BNC2: variants seen among roughly 807,000 people sequenced by gnomAD.
BNC2 encodes zinc finger protein basonuclin-2.
BNC2 carries 20 observed loss-of-function variants against 76.3 expected under a neutral mutation model. The observed-to-expected ratio is 0.26, with a 90% CI of 0.18 to 0.38. BNC2 has a LOEUF of 0.38. Ranked by LOEUF, BNC2 falls within the 10% of genes least tolerant of loss-of-function variation. BNC2 has a pLI of 1.00. For missense variants in BNC2, 1,382 were observed against 1,399.8 expected, an observed-to-expected ratio of 0.99 and a Z score of 0.20; for synonymous variants, 582 against 514.8, an observed-to-expected ratio of 1.13 and a Z score of -1.77.
intron 3 of BNC2, among the ~76,000 whole-genome samples, chr9:16,599,567 T>C (rs1587219305): frequency 6.6e-6 from 1 of 152,146 alleles, no homozygotes; most frequent in Non-Finnish European, 1.5e-5. Context: ...GTGGATCACC[T>C]GAGGTCAGAA....
intron 3 of BNC2, among the ~76,000 whole-genome samples, chr9:16,616,104 G>A (rs1208933975): frequency 2.6e-5 from 4 of 152,134 alleles, no homozygotes; most frequent in East Asian, 1.9e-4. Flanking sequence ...AAAATGTTCC[G>A]GGCCAGGCAT....
At chr9:16,755,119 T>G (rs901487553) in intron 1 of BNC2, among the ~76,000 whole-genome samples, 6 of 152,150 alleles carry the variant, frequency 3.9e-5, no homozygotes, top group African/African-American at 1.4e-4. Context: ...TACCTGACTC[T>G]GTAAAAAGGT....
rs139985358 is a variant in BNC2, at chr9:16,864,516, C to A, written c.3+6130G>T. On this transcript the variant is annotated intron_variant, in intron 1 of 6. Coordinates refer to ENST00000380672, the MANE Select transcript of BNC2 (RefSeq NM_017637.6). The stretch of plus-strand genomic sequence containing the variant: ...GCCCCGCACAGGCAAATCTTGGCAA[C>A]CCTCAACTCTGTCTATCTCCTTGGC... Among the ~76,000 whole-genome samples the A allele has an allele frequency of 4.3e-3, 653 of 152,242 alleles. 6 individuals carry two copies. The highest frequency in any genetic ancestry group is 0.014 in the African/African-American group (599 of 41,550).
At chr9:16,512,722 A>G (rs1822786463) in intron 5 of BNC2, among the ~76,000 whole-genome samples, 1 of 152,240 alleles carries the variant, frequency 6.6e-6, no homozygotes, top group Non-Finnish European at 1.5e-5. Context: ...TTTTTGATAT[A>G]AAAGTATCAT....
intron 1 of BNC2, among the ~76,000 whole-genome samples, chr9:16,741,745 G>A (rs1012280429): frequency 4.6e-5 from 7 of 152,160 alleles, no homozygotes; most frequent in Admixed American, 4.6e-4. Context: ...ATCACCTGAG[G>A]TCAGGAGTTC....
chr9:16,679,484 AT>A (rs1432096928), intron 3 of BNC2, among the ~76,000 whole-genome samples: 1 of 152,234 alleles, frequency 6.6e-6, no homozygotes, highest in Non-Finnish European at 1.5e-5. Flanking sequence ...ACACATGTGC[AT>A]GGCAAATGGA....
chr9:16,858,398 C>T (rs551100273), intron 1 of BNC2, among the ~76,000 whole-genome samples: 8 of 152,180 alleles, frequency 5.3e-5, no homozygotes, highest in Non-Finnish European at 1.0e-4. Context: ...TTTCTTGTCC[C>T]CTGGAGTACT....
chr9:16,595,259 CT>C (rs1472421190), intron 3 of BNC2, among the ~76,000 whole-genome samples: 1 of 152,144 alleles, frequency 6.6e-6, no homozygotes, highest in African/African-American at 2.4e-5. Context: ...GTACATCTAA[CT>C]GTGTATCATA....
At chr9:16,728,532 A>G (rs900080209) in intron 2 of BNC2, among the ~76,000 whole-genome samples, 1 of 152,054 alleles carries the variant, frequency 6.6e-6, no homozygotes, top group South Asian at 2.1e-4. Flanking sequence ...TAAAACTGTG[A>G]TACTTAAATT....
chr9:16,766,864 G>T (rs1381250994), intron 1 of BNC2, among the ~76,000 whole-genome samples: 1 of 152,132 alleles, frequency 6.6e-6, no homozygotes, highest in Non-Finnish European at 1.5e-5. Flanking sequence ...AAGCTGGCTG[G>T]AGGTTGCCCT....
intron 1 of BNC2, among the ~76,000 whole-genome samples, chr9:16,784,630 T>C (rs1184251372): frequency 6.6e-6 from 1 of 152,176 alleles, no homozygotes; most frequent in Non-Finnish European, 1.5e-5. Context: ...AATGAAGTTT[T>C]GGGGCTGAGC....
At chr9:16,630,486 A>G (rs1821128319) in intron 3 of BNC2, among the ~76,000 whole-genome samples, 1 of 152,200 alleles carries the variant, frequency 6.6e-6, no homozygotes. Flanking sequence ...AAATGAATAC[A>G]AAAGACAAGT....
intron 1 of BNC2, among the ~76,000 whole-genome samples, chr9:16,813,544 C>G (rs945692660): frequency 2.0e-5 from 3 of 152,060 alleles, no homozygotes; most frequent in Admixed American, 6.5e-5. Flanking sequence ...GGATTACAGG[C>G]GTGAGCCACC....
intron 5 of BNC2, among the ~76,000 whole-genome samples, chr9:16,487,044 C>T (rs144141190): frequency 4.2e-4 from 64 of 152,314 alleles, no homozygotes; most frequent in African/African-American, 1.4e-3. Context: ...CCTTTTAAAT[C>T]CACTGGGAAT....
chr9:16,655,450 G>A (rs1211755519), intron 3 of BNC2, among the ~76,000 whole-genome samples: 2 of 152,088 alleles, frequency 1.3e-5, no homozygotes, highest in African/African-American at 4.8e-5. Flanking sequence ...CTCCCCTGCA[G>A]TGACTTATTT....
chr9:16,659,437 A>C (rs535042864), intron 3 of BNC2, among the ~76,000 whole-genome samples: 9 of 151,908 alleles, frequency 5.9e-5, no homozygotes, highest in Non-Finnish European at 8.8e-5. Context: ...GTGAAACCCC[A>C]TCTCTACTAA....
At chr9:16,711,327 T>G (rs1001340106) in intron 3 of BNC2, among the ~76,000 whole-genome samples, 1 of 152,166 alleles carries the variant, frequency 6.6e-6, no homozygotes, top group East Asian at 1.9e-4. Context: ...GTGGTTGATT[T>G]GGGTTGTATT....
intron 1 of BNC2, among the ~76,000 whole-genome samples, chr9:16,800,716 C>G (rs1430190412): frequency 6.6e-6 from 1 of 152,090 alleles, no homozygotes; most frequent in East Asian, 1.9e-4. Flanking sequence ...TCCCTACAGC[C>G]TAGTGATTTT....
intron 3 of BNC2, among the ~76,000 whole-genome samples, chr9:16,706,672 T>G (rs2134662426): frequency 6.6e-6 from 1 of 152,330 alleles, no homozygotes; most frequent in Non-Finnish European, 1.5e-5. Flanking sequence ...TTCTTTTTCT[T>G]TCCTTTAAAC....
Sources: gnomAD v4.1 joint callset for allele counts (sites outside exome capture counted in the v4.1 genomes callset) on GRCh38, gnomAD v4.1.1 for gene constraint, MANE v1.5 for transcripts, NCBI Gene and HGNC (gene_info 2026-07-23, HGNC 2026-07-21) for gene names.